Variants in PPFIA2 observed in about 807,000 individuals in gnomAD.
The protein encoded by PPFIA2 is liprin-alpha-2.
A neutral mutation model predicts 175.5 loss-of-function variants in PPFIA2; 46 were observed. That is an observed-to-expected ratio of 0.26 (90% CI 0.21 to 0.34). The LOEUF is 0.34. Among genes scored for constraint, PPFIA2 ranks in the 10% least tolerant of loss-of-function variants. PPFIA2 has a pLI of 1.00. For missense variants in PPFIA2, 1,179 were observed against 1,506.1 expected, an observed-to-expected ratio of 0.78 and a Z score of 3.60; for synonymous variants, 568 against 511.4, an observed-to-expected ratio of 1.11 and a Z score of -1.49.
chr12:81,288,766 A>T (rs1272058365), intron 24 of PPFIA2, among the ~76,000 whole-genome samples: 1 of 151,716 alleles, frequency 6.6e-6, no homozygotes, highest in Non-Finnish European at 1.5e-5. Flanking sequence ...TTTCTCCCTT[A>T]TCTGAATTTT....
chr12:81,598,163 C>G, intron 4 of PPFIA2: 1 of 1,439,324 alleles, frequency 6.9e-7, no homozygotes, highest in South Asian at 1.5e-5. Context: ...ATCCTTCTTA[C>G]ATACACAGTG....
chr12:81,342,581 C>A (rs2058310523), intron 19 of PPFIA2, among the ~76,000 whole-genome samples: 1 of 152,050 alleles, frequency 6.6e-6, no homozygotes, highest in African/African-American at 2.4e-5. Context: ...ATTCAACTAG[C>A]ATATTGCCAT....
At chr12:81,696,194 T>C (rs1461860164) in intron 3 of PPFIA2, among the ~76,000 whole-genome samples, 2 of 152,172 alleles carry the variant, frequency 1.3e-5, no homozygotes, top group Non-Finnish European at 2.9e-5. Context: ...CTTGGGAAGG[T>C]AAATGTGTAC....
At position 81,556,641 on chromosome 12, in the gene PPFIA2, A is replaced by T. The variant is rs139752503; in HGVS notation, c.304-98775T>A. Among the ~76,000 whole-genome samples, 18 of 151,978 alleles carry T rather than the reference A, an allele frequency of 1.2e-4. 1 individual carries two copies. The highest frequency in any genetic ancestry group is 4.3e-4 in the African/African-American group (18 of 41,506). ...TTTTTAATCAATATTTTGATAGGTT[A>T]TTATAGTTCAATATATCTACCCCCT... is the stretch of plus-strand genomic sequence containing the variant. On this transcript the variant is annotated intron_variant, in intron 4 of 32. Coordinates refer to ENST00000549396, the MANE Select transcript of PPFIA2 (RefSeq NM_003625.5).
At chr12:81,495,035 T>C (rs1490875819) in intron 4 of PPFIA2, among the ~76,000 whole-genome samples, 3 of 151,628 alleles carry the variant, frequency 2.0e-5, no homozygotes, top group Non-Finnish European at 4.4e-5. Context: ...ATGGCACATG[T>C]ATACATATGT....
chr12:81,641,898 G>A lies in PPFIA2; in HGVS notation c.303+34893C>T, dbSNP rs554836419. Among the ~76,000 whole-genome samples the A allele has an allele frequency of 7.2e-5, 11 of 152,264 alleles. 1 individual carries two copies. Among genetic ancestry groups the A allele is most frequent in the African/African-American group, 2.6e-4 (11 of 41,558 alleles). ...ATCCATTCAGGAAAACTCTGCTCTA[G>A]TCAAACTGAACTTCTTACTATTCTC... On this transcript the variant is annotated intron_variant, in intron 4 of 32. Coordinates refer to ENST00000549396, the MANE Select transcript of PPFIA2 (RefSeq NM_003625.5).
chr12:81,723,696 T>C lies in PPFIA2; in HGVS notation c.249+30277A>G, dbSNP rs570159647. 3.0e-4 allele frequency among the ~76,000 whole-genome samples: 46 copies of C among 151,102 alleles called. No individual in the cohort carries two copies. The South Asian group carries it at 4.6e-3, about 15-fold the overall frequency. ...CTTCCAGTTGAGTTTATTAAATTCT[T>C]GCAAACACAACTATTGTAATGCAAA... On this transcript the variant is annotated intron_variant, in intron 3 of 32. Coordinates refer to ENST00000549396, the MANE Select transcript of PPFIA2 (RefSeq NM_003625.5).
At chr12:81,706,984 C>T (rs1282019202) in intron 3 of PPFIA2, among the ~76,000 whole-genome samples, 2 of 152,094 alleles carry the variant, frequency 1.3e-5, no homozygotes, top group Non-Finnish European at 2.9e-5. Flanking sequence ...AAAGCTGAAA[C>T]TGGATCCCTT....
At chr12:81,279,680 T>A (rs192213432) in intron 27 of PPFIA2, among the ~76,000 whole-genome samples, 13 of 152,308 alleles carry the variant, frequency 8.5e-5, no homozygotes, top group East Asian at 7.7e-4. Flanking sequence ...GTATTTTTTT[T>A]AATTTGATCA....
chr12:81,632,477 A>G (rs1758986780), intron 4 of PPFIA2, among the ~76,000 whole-genome samples: 1 of 152,110 alleles, frequency 6.6e-6, no homozygotes. Flanking sequence ...TCAAGTGTAC[A>G]TTGCATTAAA....
At chr12:81,615,197 C>T (rs1567581933) in intron 4 of PPFIA2, among the ~76,000 whole-genome samples, 1 of 152,148 alleles carries the variant, frequency 6.6e-6, no homozygotes, top group Non-Finnish European at 1.5e-5. Context: ...TTGGTCTGAG[C>T]AGCTGCTCCC....
chr12:81,512,488 T>A, intron 4 of PPFIA2: 2 of 346,294 alleles, frequency 5.8e-6, no homozygotes, highest in Non-Finnish European at 9.3e-6. Context: ...TTATTGCACT[T>A]AAAAATAATT....
At chr12:81,739,659 A>G (rs1200849728) in intron 3 of PPFIA2, among the ~76,000 whole-genome samples, 1 of 152,048 alleles carries the variant, frequency 6.6e-6, no homozygotes, top group Non-Finnish European at 1.5e-5. Context: ...GAATTAATAA[A>G]AAATTTTGAA....
chr12:81,720,824 T>G (rs1350074801), intron 3 of PPFIA2, among the ~76,000 whole-genome samples: 1 of 151,412 alleles, frequency 6.6e-6, no homozygotes, highest in Non-Finnish European at 1.5e-5. Flanking sequence ...AAATTTTTTT[T>G]GTTTGTTTTT....
intron 4 of PPFIA2, among the ~76,000 whole-genome samples, chr12:81,542,855 C>T (rs1013965670): frequency 6.6e-6 from 1 of 152,090 alleles, no homozygotes; most frequent in African/African-American, 2.4e-5. Context: ...AATGAGCCCC[C>T]AACTTCCTAG....
chr12:81,603,825 TAAA>T (rs60363527), intron 4 of PPFIA2, among the ~76,000 whole-genome samples: 1,666 of 103,332 alleles, frequency 0.016, 40 homozygotes, highest in East Asian at 0.048. Context: ...CTATTCTGAC[TAAA>T]AAAAAAAAAA....
At chr12:81,724,437 A>C (rs910254899) in intron 3 of PPFIA2, among the ~76,000 whole-genome samples, 5 of 150,870 alleles carry the variant, frequency 3.3e-5, no homozygotes, top group African/African-American at 1.2e-4. Flanking sequence ...AATAATGCAC[A>C]TTGTACCCAT....
intron 21 of PPFIA2, among the ~76,000 whole-genome samples, chr12:81,328,382 TTGTAAG>T (rs1237287341): frequency 6.6e-6 from 1 of 152,316 alleles, no homozygotes; most frequent in Non-Finnish European, 1.5e-5. Flanking sequence ...AGATGATGTA[TTGTAAG>T]TGTAAAATAC....
chr12:81,455,013 T>C (rs1311652456), intron 5 of PPFIA2, among the ~76,000 whole-genome samples: 1 of 152,150 alleles, frequency 6.6e-6, no homozygotes, highest in Non-Finnish European at 1.5e-5. Context: ...CATGCCCAGC[T>C]ATCACTTGCG....
Sources: gnomAD v4.1 joint callset for allele counts (sites outside exome capture counted in the v4.1 genomes callset) on GRCh38, gnomAD v4.1.1 for gene constraint, MANE v1.5 for transcripts, NCBI Gene and HGNC (gene_info 2026-07-23, HGNC 2026-07-21) for gene names.